CHRM3: variants seen among roughly 807,000 people sequenced by gnomAD.
The protein encoded by CHRM3 is muscarinic acetylcholine receptor M3.
Under a neutral mutation model 41.8 loss-of-function variants are expected in CHRM3, and 11 were observed. The ratio of observed to expected loss-of-function variants is 0.26; its 90% CI spans 0.17 to 0.44. CHRM3 has a LOEUF of 0.44. Among genes scored for constraint, CHRM3 ranks in the 20% least tolerant of loss-of-function variants. The pLI is 1.00. For missense variants in CHRM3, 571 were observed against 745.4 expected, an observed-to-expected ratio of 0.77 and a Z score of 2.72; for synonymous variants, 297 against 301.4, an observed-to-expected ratio of 0.99 and a Z score of 0.15.
In CHRM3 at chr1:239,915,256, T is replaced by A. The variant is rs1423903251; in HGVS notation, c.*6032T>A. On this transcript the variant is annotated 3_prime_UTR_variant, in exon 7 of 7. Coordinates refer to ENST00000676153, the MANE Select transcript of CHRM3 (RefSeq NM_001375978.1). ...ACATCTTTGCCAAAGGCACTGAATT[T>A]TACCTTTTTTTATTACCTCGTGGCC... 1.8e-5 allele frequency: 3 copies of A among 167,132 alleles called. No homozygotes were observed. Among genetic ancestry groups the A allele is most frequent in the Non-Finnish European group, 4.4e-5 (3 of 68,134 alleles). The allele number at this position is 167,132 out of a possible 1,614,324, so 10.4% of individuals were successfully genotyped here.
At chr1:239,553,216 A>G (rs761932305) in intron 3 of CHRM3, among the ~76,000 whole-genome samples, 12 of 152,168 alleles carry the variant, frequency 7.9e-5, no homozygotes, top group Non-Finnish European at 1.8e-4. Context: ...ATGGAGGCAT[A>G]TAATATTTTC....
intron 2 of CHRM3, among the ~76,000 whole-genome samples, chr1:239,502,652 TA>T (rs929822442): frequency 5.9e-5 from 9 of 152,178 alleles, no homozygotes; most frequent in Non-Finnish European, 1.0e-4. Context: ...TACAGACCGA[TA>T]ACCTTGATGA....
chr1:239,889,621 C>T (rs950205177), intron 6 of CHRM3, among the ~76,000 whole-genome samples: 1 of 152,234 alleles, frequency 6.6e-6, no homozygotes, highest in African/African-American at 2.4e-5. Context: ...TTTACACTAT[C>T]TGCCTAAATA....
chr1:239,583,690 T>G (rs1467625107), intron 3 of CHRM3, among the ~76,000 whole-genome samples: 1 of 152,222 alleles, frequency 6.6e-6, no homozygotes, highest in Non-Finnish European at 1.5e-5. Flanking sequence ...AAGATTTATT[T>G]AATTTAGTCC....
intron 1 of CHRM3, among the ~76,000 whole-genome samples, chr1:239,413,764 A>G (rs1572213319): frequency 2.0e-5 from 3 of 152,218 alleles, no homozygotes; most frequent in Non-Finnish European, 4.4e-5. Flanking sequence ...GTTTTTGAAA[A>G]GTTAGCATAG....
intron 5 of CHRM3, among the ~76,000 whole-genome samples, chr1:239,761,672 G>A (rs1448796570): frequency 1.3e-5 from 2 of 151,794 alleles, no homozygotes; most frequent in Non-Finnish European, 2.9e-5. Context: ...CATGCGCTAG[G>A]GGGCCTTTTC....
At chr1:239,636,495 T>C (rs1670481286) in intron 4 of CHRM3, among the ~76,000 whole-genome samples, 1 of 152,212 alleles carries the variant, frequency 6.6e-6, no homozygotes, top group Non-Finnish European at 1.5e-5. Context: ...AAAAACGTCT[T>C]ATCTGTCAAT....
chr1:239,859,217 T>C (rs572645523), intron 6 of CHRM3, among the ~76,000 whole-genome samples: 22 of 152,232 alleles, frequency 1.4e-4, no homozygotes, highest in Non-Finnish European at 2.8e-4. Context: ...CAGCGGTGTA[T>C]GAGAGTTTGT....
intron 5 of CHRM3, among the ~76,000 whole-genome samples, chr1:239,729,767 A>G (rs911465162): frequency 3.9e-5 from 6 of 151,990 alleles, no homozygotes; most frequent in African/African-American, 1.4e-4. Context: ...TGCATTGGTA[A>G]AAGATTCATT....
chr1:239,640,284 T>G (rs1185133033), intron 4 of CHRM3, among the ~76,000 whole-genome samples: 23 of 152,340 alleles, frequency 1.5e-4, no homozygotes, highest in Non-Finnish European at 2.1e-4. Context: ...CATCATAAAA[T>G]GAGTTAGGGA....
intron 5 of CHRM3, among the ~76,000 whole-genome samples, chr1:239,680,015 GT>G (rs887592531): frequency 3.3e-5 from 5 of 152,002 alleles, no homozygotes; most frequent in African/African-American, 1.2e-4. Context: ...ATTTTTTAAA[GT>G]TCCTCAAATT....
intron 5 of CHRM3, among the ~76,000 whole-genome samples, chr1:239,743,788 CTTTTTTTTTTTTTTT>C (rs10718514): frequency 3.7e-5 from 3 of 81,202 alleles, no homozygotes; most frequent in African/African-American, 5.1e-5. Flanking sequence ...TTTTTTTTTT[CTTTTTTTTTTTTTTT>C]TTTTTTTGAG....
intron 5 of CHRM3, among the ~76,000 whole-genome samples, chr1:239,777,869 C>T (rs1466059693): frequency 9.2e-5 from 14 of 152,138 alleles, no homozygotes; most frequent in Non-Finnish European, 1.6e-4. Flanking sequence ...GATAAAATGC[C>T]TTTGGCCAGT....
In CHRM3 at chr1:239,583,884, T is replaced by TA. The variant is rs570786730; in HGVS notation, c.-313+38136dup. Among the ~76,000 whole-genome samples the TA allele has an allele frequency of 5.5e-3, 839 of 152,182 alleles. 5 individuals are homozygous for TA. The highest frequency in any genetic ancestry group is 0.016 in the African/African-American group (660 of 41,516). On this transcript the variant is annotated intron_variant, in intron 3 of 6. Transcript: ENST00000676153. ...TTTAGAGAAAAAAAATGCTTTAAAT[T>TA]ATGAGTTTTATCCTACCCTGCTGGC...
chr1:239,674,667 G>A lies in CHRM3; in HGVS notation c.-249-3519G>A, dbSNP rs943918440. The stretch of plus-strand genomic sequence containing the variant: ...AGAGCTTGCAGTGAGCCAAGATTGC[G>A]CCACTGCACTCCAGCCTGAGCGACA... On this transcript the variant is annotated intron_variant, in intron 4 of 6. Coordinates refer to ENST00000676153, the MANE Select transcript of CHRM3 (RefSeq NM_001375978.1). Among the ~76,000 whole-genome samples, 6 of 138,214 alleles carry A rather than the reference G, an allele frequency of 4.3e-5. No homozygotes were observed. The South Asian group carries it at 6.9e-4, about 16-fold the overall frequency. 90.7% of individuals were successfully genotyped at this position (138,214 alleles called of 152,430 possible).
intron 2 of CHRM3, among the ~76,000 whole-genome samples, chr1:239,497,395 A>G (rs547712498): frequency 5.9e-5 from 9 of 152,246 alleles, no homozygotes; most frequent in Admixed American, 2.6e-4. Context: ...TGAGCCCCAT[A>G]CCACACTGAG....
At chr1:239,448,872 A>G (rs1006284876) in intron 1 of CHRM3, among the ~76,000 whole-genome samples, 1 of 152,212 alleles carries the variant, frequency 6.6e-6, no homozygotes, top group African/African-American at 2.4e-5. Context: ...GAAACTTTAG[A>G]CCAAAACTCT....
intron 1 of CHRM3, among the ~76,000 whole-genome samples, chr1:239,456,494 C>A (rs1030146303): frequency 6.6e-6 from 1 of 152,162 alleles, no homozygotes; most frequent in Non-Finnish European, 1.5e-5. Flanking sequence ...GTGTAGTAGG[C>A]TACACCGTCT....
intron 5 of CHRM3, among the ~76,000 whole-genome samples, chr1:239,797,484 C>A (rs1416925780): frequency 6.6e-6 from 1 of 150,910 alleles, no homozygotes; most frequent in East Asian, 1.9e-4. Flanking sequence ...GTGGCTAGGC[C>A]CACTTGAAGG....
Sources: gnomAD v4.1 joint callset for allele counts (sites outside exome capture counted in the v4.1 genomes callset) on GRCh38, gnomAD v4.1.1 for gene constraint, MANE v1.5 for transcripts, NCBI Gene and HGNC (gene_info 2026-07-23, HGNC 2026-07-21) for gene names.